The following DOP1A variants were observed in gnomAD, a reference collection of about 807,000 sequenced individuals.
The protein encoded by DOP1A is DOP1 leucine zipper like protein A, also known as protein DOP1A.
In DOP1A, 90 loss-of-function variants were observed where a neutral mutation model predicts 267.6. The observed-to-expected ratio is 0.34, with a 90% confidence interval of 0.28 to 0.40. The LOEUF is 0.40. DOP1A is among the 10% of genes least tolerant of loss of function. The pLI is 1.00. For missense variants in DOP1A, 2,437 were observed against 2,900.4 expected (o/e 0.84, Z 3.67); for synonymous variants, 932 against 999.1 (o/e 0.93, Z 1.27).
chr6:83,131,698 C>T (rs1286035274), intron 17 of DOP1A, among the ~76,000 whole-genome samples: 1 of 151,918 alleles, frequency 6.6e-6, no homozygotes, highest in Non-Finnish European at 1.5e-5. Context: ...TTCTGTCGCG[C>T]AATCTCTGCT....
At chr6:83,097,225 C>T in intron 3 of DOP1A, 110 bp downstream of exon 3, 1 of 1,221,214 alleles carries the variant, frequency 8.2e-7, no homozygotes, top group Non-Finnish European at 1.1e-6. Flanking sequence ...ATAAATGAAC[C>T]TTAGATTACT....
Position 83,130,372 on chromosome 6 carries a change from T to C in DOP1A, c.2591T>C (p.Ile864Thr). The C allele has an allele frequency of 6.2e-7, 1 of 1,613,560 alleles. No homozygotes were observed. Among genetic ancestry groups the C allele is most frequent in the Non-Finnish European group, 8.5e-7 (1 of 1,179,810 alleles). The change falls in exon 17 of 39, where the codon ATA becomes ACA. Residue 864 changes from isoleucine to threonine, a missense_variant. Coordinates refer to ENST00000349129, the MANE Select transcript of DOP1A (RefSeq NM_015018.4). ...CTCACTCAGGGCAATCTGAGGTACA[T>C]AGCTGAGAAGACTGAATTTTTCAAG... ...PPLTQGNLRY[I>T]AEKTEFFKHV... is the part of the protein sequence containing the mutation.
rs2128236715 is a variant in DOP1A, at chr6:83,129,424, C to T, written c.2257C>T (p.Leu753Phe). 2 of 1,609,686 alleles carry T rather than the reference C, an allele frequency of 1.2e-6. No individual in the cohort carries two copies. The highest frequency in any genetic ancestry group is 2.2e-5 in the East Asian group (1 of 44,852). Residue 753 changes from leucine to phenylalanine, a missense_variant, in exon 16 of 39, where the codon CTC becomes TTC. Leu to Phe is a conservative substitution (Grantham distance 22). This residue lies in a region of DOP1A where 498 missense variants were observed against 513.5 expected (regional missense o/e 0.97). Transcript: ENST00000349129. Reference protein sequence around the residue: ...YLSAFLAACQLFLECSSFPVY... With the variant: ...YLSAFLAACQFFLECSSFPVY... Reference sequence around the variant, plus strand: ...GTCTGCCTTCCTTGCTGCCTGTCAGCTCTTCCTAGAGTGCTCAAGTTTCCC... The same window carrying T: ...GTCTGCCTTCCTTGCTGCCTGTCAGTTCTTCCTAGAGTGCTCAAGTTTCCC...
rs1204348885 is a variant in DOP1A at position 83,067,678 on chromosome 6, A to G, written c.-248A>G. The stretch of plus-strand genomic sequence containing the variant: ...GCCGGCGTGGGCGCGAGCACGGTGC[A>G]CTCTGGGAGCTGTCACTAGGCCCTT... On this transcript the variant is annotated 5_prime_UTR_variant, in exon 1 of 39. Coordinates refer to ENST00000349129, the MANE Select transcript of DOP1A (RefSeq NM_015018.4). The G allele has an allele frequency of 6.7e-6, 1 of 150,156 alleles. No homozygotes were observed. Among genetic ancestry groups the G allele is most frequent in the Admixed American group, 6.7e-5 (1 of 14,998 alleles). The allele number at this position is 150,156 out of a possible 1,614,324, so 9.3% of individuals were successfully genotyped here. A position where few individuals can be genotyped will look rare whatever the true frequency, so the allele number is the denominator to read the frequency against.
At chr6:83,158,112 C>A (rs557653232) in intron 35 of DOP1A, among the ~76,000 whole-genome samples, 120 of 152,168 alleles carry the variant, frequency 7.9e-4, no homozygotes, top group African/African-American at 2.7e-3. Context: ...CATTCTCCTG[C>A]CTCAGCCTCC....
rs762172970 is a variant in DOP1A at position 83,157,189 on chromosome 6, G to A, written c.6612G>A (p.Leu2204=). The A allele has an allele frequency of 6.2e-7, 1 of 1,612,718 alleles. No homozygotes were observed. The highest frequency in any genetic ancestry group is 1.1e-5 in the South Asian group (1 of 90,490). The change falls in exon 35 of 39, where the codon TTG becomes TTA. Residue 2204 remains leucine (L), a synonymous_variant. Coordinates refer to ENST00000349129, the MANE Select transcript of DOP1A (RefSeq NM_015018.4). ...QKYLPDIQER[L]VESLRLPQVP... The stretch of plus-strand genomic sequence containing the variant: ...GCTCTGCATTTCTTTCAGAGAGATT[G>A]GTTGAGAGTCTCCGTTTGCCACAGG...
chr6:83,129,089 C>A lies in DOP1A; in HGVS notation c.1922C>A (p.Ala641Glu). 1.2e-6 allele frequency: 2 copies of A among 1,614,070 alleles called. No homozygotes were observed. The highest frequency in any genetic ancestry group is 2.2e-5 in the South Asian group (2 of 91,068). Residue 641 changes from alanine to glutamate, a missense_variant, in exon 16 of 39, where the codon GCA becomes GAA. By Grantham distance (107) the Ala-to-Glu change is moderately radical. Around this residue, in one of 9 missense-constraint regions of DOP1A, gnomAD observed 498 missense variants for 513.5 expected, o/e 0.97. Coordinates refer to ENST00000349129, the MANE Select transcript of DOP1A (RefSeq NM_015018.4). ...AGCACATCCTCTGAGACAGAAACAG[C>A]ATCCACTGTGGGATCTGAAGAAACC... ...IGSTSSETET[A>E]STVGSEETII...
chr6:83,105,227 T>G (rs1169615910), intron 4 of DOP1A, among the ~76,000 whole-genome samples: 1 of 152,126 alleles, frequency 6.6e-6, no homozygotes, highest in Non-Finnish European at 1.5e-5. Flanking sequence ...TAGTATACCC[T>G]TAATAAATAT....
At position 83,118,998 on chromosome 6, in the gene DOP1A, G is replaced by T; in HGVS notation, c.880+11G>T. 6.2e-7 allele frequency: 1 copy of T among 1,611,496 alleles called. No homozygotes were observed. Among genetic ancestry groups the T allele is most frequent in the Non-Finnish European group, 8.5e-7 (1 of 1,177,860 alleles). ...ATGCATGGCTTCTTGGTAGGTATTT[G>T]ATGTCTGTGGTCATGATTGGGGAAA... is the stretch of plus-strand genomic sequence containing the variant. On this transcript the variant is annotated intron_variant, in intron 8 of 38. Coordinates refer to ENST00000349129, the MANE Select transcript of DOP1A (RefSeq NM_015018.4).
chr6:83,164,715 A>C, intron 38 of DOP1A: 4 of 1,591,004 alleles, frequency 2.5e-6, no homozygotes, highest in Non-Finnish European at 3.4e-6. Context: ...ATGGCCAAGC[A>C]TCAGGTGAGG....
intron 4 of DOP1A, among the ~76,000 whole-genome samples, chr6:83,103,657 T>A (rs1022612376): frequency 1.3e-5 from 2 of 152,230 alleles, no homozygotes; most frequent in Non-Finnish European, 2.9e-5. Context: ...TTTGTCCTTA[T>A]GTGCTTCATT....
intron 9 of DOP1A, 143 bp downstream of exon 9, chr6:83,120,000 C>T: frequency 1.7e-6 from 1 of 576,626 alleles, no homozygotes; most frequent in South Asian, 2.6e-5. Flanking sequence ...ATTTTTATAA[C>T]AAGAAAATTC....
chr6:83,148,471 A>G (rs1362085699), intron 26 of DOP1A, among the ~76,000 whole-genome samples: 1 of 151,908 alleles, frequency 6.6e-6, no homozygotes, highest in Non-Finnish European at 1.5e-5. Flanking sequence ...GCAGTGGCTC[A>G]TGCCCATAAT....
intron 26 of DOP1A, among the ~76,000 whole-genome samples, chr6:83,148,289 G>C (rs776019729): frequency 2.6e-5 from 4 of 152,078 alleles, no homozygotes; most frequent in Admixed American, 2.0e-4. Context: ...GCGCACGCCT[G>C]TAGTCCCAGC....
At chr6:83,100,525 T>C (rs1258947951) in intron 3 of DOP1A, among the ~76,000 whole-genome samples, 180 bp from the exon 4 acceptor site, 1 of 152,196 alleles carries the variant, frequency 6.6e-6, no homozygotes, top group Non-Finnish European at 1.5e-5. Flanking sequence ...TTTAAACAAA[T>C]TAATAAAGTT....
chr6:83,123,049 TTG>T (rs542517223), intron 12 of DOP1A, 67 bp downstream of exon 12: 2 of 1,496,218 alleles, frequency 1.3e-6, no homozygotes, highest in Non-Finnish European at 1.8e-6. Flanking sequence ...TTTTTTTAAG[TTG>T]TTACATTTAA....
At chr6:83,093,964 T>C (rs187256154) in intron 1 of DOP1A, among the ~76,000 whole-genome samples, 1 of 152,234 alleles carries the variant, frequency 6.6e-6, no homozygotes, top group Admixed American at 6.5e-5. Context: ...TTCAGTATAT[T>C]CAGAATTGTG....
intron 11 of DOP1A, 142 bp downstream of exon 11, chr6:83,122,192 A>G: frequency 1.2e-6 from 1 of 853,458 alleles, no homozygotes. Context: ...AGTAAAGCTG[A>G]TTTAATACTG....
chr6:83,145,501 A>T, intron 24 of DOP1A, 23 bp from the exon 25 acceptor site: 5 of 1,558,490 alleles, frequency 3.2e-6, no homozygotes, highest in Non-Finnish European at 4.4e-6. Flanking sequence ...ATACATACAT[A>T]CATACAATGA....
Sources: gnomAD v4.1 joint callset for allele counts (sites outside exome capture counted in the v4.1 genomes callset) on GRCh38, gnomAD v4.1.1 for gene constraint, gnomAD v4.1.1 regional missense constraint, MANE v1.5 for transcripts, NCBI Gene and HGNC (gene_info 2026-07-23, HGNC 2026-07-21) for gene names.